SEMA5A: variants seen among roughly 807,000 people sequenced by gnomAD.
SEMA5A encodes semaphorin 5A, also known as semaphorin-5A.
Under a neutral mutation model 135.5 loss-of-function variants are expected in SEMA5A, and 55 were observed. The observed-to-expected ratio is 0.41, with a 90% CI of 0.33 to 0.51. SEMA5A has a LOEUF of 0.51. Ranked by LOEUF, SEMA5A falls within the 20% of genes least tolerant of loss-of-function variation. The probability of loss-of-function intolerance (pLI) is 0.37; values close to 1 mark genes in which losing one functional copy is unlikely to be tolerated. For synonymous variants in SEMA5A, 580 were observed against 546.5 expected, an observed-to-expected ratio of 1.06 and a Z score of -0.85; for missense variants, 1,290 against 1,419.9, an observed-to-expected ratio of 0.91 and a Z score of 1.47.
intron 12 of SEMA5A, among the ~76,000 whole-genome samples, chr5:9,148,542 G>A (rs1260728397): frequency 6.6e-6 from 1 of 152,178 alleles, no homozygotes; most frequent in Non-Finnish European, 1.5e-5. Context: ...CAGGAAGGCT[G>A]TCAGGAGCTT....
At chr5:9,419,843 G>A (rs564352766) in intron 2 of SEMA5A, among the ~76,000 whole-genome samples, 2 of 152,256 alleles carry the variant, frequency 1.3e-5, no homozygotes, top group Non-Finnish European at 2.9e-5. Flanking sequence ...ACAAAAACAA[G>A]TGAAGTTTCA....
At chr5:9,363,460 TG>T (rs1754786692) in intron 3 of SEMA5A, 4 of 152,194 alleles carry the variant, frequency 2.6e-5, no homozygotes, top group Non-Finnish European at 4.4e-5. Context: ...GGGGTAGGAA[TG>T]GGTCAAAAGC....
intron 1 of SEMA5A, among the ~76,000 whole-genome samples, chr5:9,473,045 G>A (rs1759533419): frequency 6.7e-6 from 1 of 149,012 alleles, no homozygotes; most frequent in South Asian, 2.1e-4. Context: ...CATATTTTAA[G>A]TTGTTCATTC....
intron 3 of SEMA5A, among the ~76,000 whole-genome samples, chr5:9,350,147 C>T (rs974943638): frequency 2.0e-5 from 3 of 152,172 alleles, no homozygotes; most frequent in African/African-American, 7.2e-5. Context: ...AACAAATTAA[C>T]TTGTCTTCTT....
At position 9,038,992 on chromosome 5, in the gene SEMA5A, G is replaced by T. The variant is rs1450884961; in HGVS notation, c.*3905C>A. On this transcript the variant is annotated 3_prime_UTR_variant, in exon 23 of 23. Transcript: ENST00000382496. ...GATCCGCCCACCTTGGCCTCCCAAAGTGCTGGGATTATAGGCATGAGCCAC... is the reference window on the plus strand; with the variant it reads ...GATCCGCCCACCTTGGCCTCCCAAATTGCTGGGATTATAGGCATGAGCCAC... 1.3e-5 allele frequency: 2 copies of T among 152,438 alleles called. No individual in the cohort carries two copies. Among genetic ancestry groups the T allele is most frequent in the East Asian group, 1.9e-4 (1 of 5,200 alleles). The allele number at this position is 152,438 out of a possible 1,614,324, so 9.4% of individuals were successfully genotyped here. A position where few individuals can be genotyped will look rare whatever the true frequency, so the allele number is the denominator to read the frequency against.
intron 5 of SEMA5A, among the ~76,000 whole-genome samples, chr5:9,303,719 T>C (rs1013198168): frequency 3.3e-5 from 5 of 152,144 alleles, no homozygotes; most frequent in African/African-American, 1.2e-4. Flanking sequence ...CCCATCAATA[T>C]GTACAAATAC....
intron 15 of SEMA5A, among the ~76,000 whole-genome samples, chr5:9,115,018 T>G (rs1417968532): frequency 6.6e-6 from 1 of 152,198 alleles, no homozygotes; most frequent in African/African-American, 2.4e-5. Context: ...GTGTTGTCTC[T>G]CAGCCATCTC....
At chr5:9,193,395 T>C (rs1263415173) in intron 10 of SEMA5A, among the ~76,000 whole-genome samples, 1 of 152,234 alleles carries the variant, frequency 6.6e-6, no homozygotes, top group Non-Finnish European at 1.5e-5. Context: ...CCAACATCTC[T>C]TCAAGTAATT....
rs182193342 is a variant in SEMA5A at position 9,451,317 on chromosome 5, C to T, written c.-174-13465G>A. ...GGGAAATTAAACAACAAACAAGACT[C>T]CTCATTCAAATGGAAAGCTGGCAGC... is the stretch of plus-strand genomic sequence containing the variant. On this transcript the variant is annotated intron_variant, in intron 1 of 22. Transcript: ENST00000382496. 6.5e-3 allele frequency among the ~76,000 whole-genome samples: 995 copies of T among 152,300 alleles called. 10 individuals carry two copies. The highest frequency in any genetic ancestry group is 5.8e-3 in the Non-Finnish European group (392 of 68,024).
intron 3 of SEMA5A, among the ~76,000 whole-genome samples, chr5:9,352,957 GAGTAA>G (rs1754193553): frequency 1.3e-5 from 2 of 150,902 alleles, no homozygotes; most frequent in Middle Eastern, 3.4e-3. Flanking sequence ...GAAAATCATA[GAGTAA>G]AAGGCTCAAC....
intron 15 of SEMA5A, among the ~76,000 whole-genome samples, chr5:9,110,795 C>T (rs1740196831): frequency 1.3e-5 from 2 of 152,102 alleles, no homozygotes; most frequent in South Asian, 4.1e-4. Flanking sequence ...TTTAAGATAA[C>T]ACAGAAACGT....
At position 9,303,097 on chromosome 5, in the gene SEMA5A, T is replaced by TAC. The variant is rs202198184; in HGVS notation, c.270+15273_270+15274dup. Reference sequence around the variant, plus strand: ...ACTTAAATACACACACACACACACATACACACACATATATATATATAATTT... The same window carrying TAC: ...ACTTAAATACACACACACACACACATACACACACACATATATATATATAATTT... On this transcript the variant is annotated intron_variant, in intron 5 of 22. Coordinates refer to ENST00000382496, the MANE Select transcript of SEMA5A (RefSeq NM_003966.3). Among the ~76,000 whole-genome samples, 359 of 150,358 alleles carry TAC rather than the reference T, an allele frequency of 2.4e-3. 2 individuals carry two copies. In the East Asian group the frequency reaches 0.026, roughly 11 times the overall value.
chr5:9,078,853 A>G (rs1290309575), intron 16 of SEMA5A, among the ~76,000 whole-genome samples: 1 of 152,144 alleles, frequency 6.6e-6, no homozygotes, highest in Non-Finnish European at 1.5e-5. Flanking sequence ...TTTATATTGC[A>G]TTAAAAACTC....
chr5:9,439,461 C>A (rs1470533002), intron 1 of SEMA5A, among the ~76,000 whole-genome samples: 1 of 152,126 alleles, frequency 6.6e-6, no homozygotes, highest in African/African-American at 2.4e-5. Context: ...TTGACAGATC[C>A]TCTGGTTACC....
chr5:9,166,260 T>A (rs540987857), intron 11 of SEMA5A, among the ~76,000 whole-genome samples: 17 of 152,050 alleles, frequency 1.1e-4, no homozygotes, highest in Non-Finnish European at 1.6e-4. Flanking sequence ...GCCTGGCACA[T>A]AGTAGGTGCT....
At chr5:9,220,616 C>A (rs1032549691) in intron 8 of SEMA5A, among the ~76,000 whole-genome samples, 1 of 152,022 alleles carries the variant, frequency 6.6e-6, no homozygotes, top group African/African-American at 2.4e-5. Flanking sequence ...GAAGAGTGGG[C>A]AGAAGGAAGG....
intron 12 of SEMA5A, among the ~76,000 whole-genome samples, chr5:9,154,060 AAAATATAT>A (rs1268954030): frequency 2.2e-4 from 11 of 50,258 alleles, no homozygotes; most frequent in Non-Finnish European, 3.7e-4. Context: ...AAAAAAAAAA[AAAATATAT>A]ATATATATAT....
At chr5:9,076,852 C>T (rs1203271869) in intron 16 of SEMA5A, among the ~76,000 whole-genome samples, 1 of 150,564 alleles carries the variant, frequency 6.6e-6, no homozygotes, top group African/African-American at 2.5e-5. Flanking sequence ...AGTGCATTGA[C>T]TATGCATTAC....
At chr5:9,479,144 C>G (rs951284260) in intron 1 of SEMA5A, among the ~76,000 whole-genome samples, 3 of 152,204 alleles carry the variant, frequency 2.0e-5, no homozygotes, top group Non-Finnish European at 4.4e-5. Context: ...GAGTCCCCCT[C>G]CAGCCATTCA....
Sources: gnomAD v4.1 joint callset for allele counts (sites outside exome capture counted in the v4.1 genomes callset) on GRCh38, gnomAD v4.1.1 for gene constraint, MANE v1.5 for transcripts, NCBI Gene and HGNC (gene_info 2026-07-23, HGNC 2026-07-21) for gene names.